GALNT8: variants seen among roughly 807,000 people sequenced by gnomAD.
GALNT8 encodes the protein probable polypeptide N-acetylgalactosaminyltransferase 8.
GALNT8 carries 66 observed loss-of-function variants against 62.7 expected under a neutral mutation model. The observed-to-expected ratio is 1.05, with a 90% confidence interval of 0.86 to 1.29. The LOEUF (loss-of-function observed/expected upper bound fraction) is 1.29, where lower values mean the gene tolerates loss of function less well. Among genes scored for constraint, GALNT8 ranks in the 50% most tolerant of loss-of-function variants. GALNT8 has a pLI of 0.00. For missense variants in GALNT8, 771 were observed against 791.8 expected, an observed-to-expected ratio of 0.97 and a Z score of 0.32; for synonymous variants, 288 against 294.3, an observed-to-expected ratio of 0.98 and a Z score of 0.22.
At chr12:4,743,698 G>A (rs139197246) in intron 3 of GALNT8, among the ~76,000 whole-genome samples, 1 of 152,312 alleles carries the variant, frequency 6.6e-6, no homozygotes, top group East Asian at 1.9e-4. Flanking sequence ...AAAACTCTTT[G>A]TGCCTCAGTT....
At chr12:4,757,041 T>C (rs1279258192) in intron 6 of GALNT8, among the ~76,000 whole-genome samples, 1 of 152,202 alleles carries the variant, frequency 6.6e-6, no homozygotes, top group Non-Finnish European at 1.5e-5. Flanking sequence ...TTATAAGTGT[T>C]TGGTAGTTCC....
chr12:4,744,657 G>A lies in GALNT8; in HGVS notation c.817G>A (p.Val273Met), dbSNP rs771845589. ...TGGCTGGGAAGCTGCCACAGCAGAC[G>A]TGGTCGCCATCTTGGATGCTCACAT... ...NTGWEAATAD[V>M]VAILDAHIEV... The change falls in exon 4 of 11, where the codon GTG becomes ATG. Residue 273 changes from valine to methionine, a missense_variant. By Grantham distance (21) the Val-to-Met change is conservative (BLOSUM62 1). Coordinates refer to ENST00000252318, the MANE Select transcript of GALNT8 (RefSeq NM_017417.2). 3.9e-5 allele frequency: 63 copies of A among 1,613,404 alleles called. 1 individual carries two copies. In the Admixed American group the frequency reaches 6.3e-4, roughly 16 times the overall value.
chr12:4,769,921 G>T (rs1946415500), intron 10 of GALNT8, among the ~76,000 whole-genome samples: 1 of 152,006 alleles, frequency 6.6e-6, no homozygotes, highest in South Asian at 2.1e-4. Flanking sequence ...AGTTAAAAAA[G>T]AAGCATCTAT....
At position 4,744,600 on chromosome 12, in the gene GALNT8, G is replaced by A. The variant is rs150401504; in HGVS notation, c.760G>A (p.Glu254Lys). The A allele has an allele frequency of 6.2e-7, 1 of 1,613,520 alleles. No individual in the cohort carries two copies. The highest frequency in any genetic ancestry group is 2.2e-5 in the East Asian group (1 of 44,860). Reference sequence around the variant, plus strand: ...ACTACTGAAAATAATACGGCATCCTGAAAGGAAAGGTCTTGCTCAAGCCCG... The same window carrying A: ...ACTACTGAAAATAATACGGCATCCTAAAAGGAAAGGTCTTGCTCAAGCCCG... Reference protein sequence around the residue: ...PGLLKIIRHPERKGLAQARNT... With the variant: ...PGLLKIIRHPKRKGLAQARNT... The change falls in exon 4 of 11, where the codon GAA becomes AAA. Residue 254 changes from glutamate to lysine, a missense_variant. Transcript: ENST00000252318.
At chr12:4,750,556 G>A (rs1241895713) in intron 6 of GALNT8, among the ~76,000 whole-genome samples, 1 of 152,136 alleles carries the variant, frequency 6.6e-6, no homozygotes, top group Non-Finnish European at 1.5e-5. Context: ...ATTCCTTGGT[G>A]TGTATGTACT....
chr12:4,732,070 A>G (rs1182306972), intron 2 of GALNT8, among the ~76,000 whole-genome samples: 1 of 123,292 alleles, frequency 8.1e-6, no homozygotes, highest in African/African-American at 3.0e-5. Flanking sequence ...AATGTAATAT[A>G]TATTCTCACA....
chr12:4,752,343 C>A (rs765010801), intron 6 of GALNT8, among the ~76,000 whole-genome samples: 1 of 151,560 alleles, frequency 6.6e-6, no homozygotes, highest in African/African-American at 2.4e-5. Context: ...TCTTCTCTTT[C>A]CTGTCTTCCT....
intron 1 of GALNT8, among the ~76,000 whole-genome samples, chr12:4,723,161 C>A (rs1191247567): frequency 6.6e-6 from 1 of 152,114 alleles, no homozygotes; most frequent in Non-Finnish European, 1.5e-5. Context: ...ATTCACTACT[C>A]ATTTCTATTC....
intron 6 of GALNT8, among the ~76,000 whole-genome samples, chr12:4,760,198 T>C (rs970362457): frequency 2.0e-5 from 3 of 152,190 alleles, no homozygotes; most frequent in African/African-American, 7.2e-5. Flanking sequence ...TGGGGAAAGA[T>C]CTGCTTTCAA....
Position 4,742,901 on chromosome 12 carries a change from T to G in GALNT8, c.677-1616T>G, listed in dbSNP as rs951279727. ...TTCAGAAAACCCGTCGAGGCGTCCT[T>G]AATCTTTGTGCTATATGATAGGCAT... On this transcript the variant is annotated intron_variant, in intron 3 of 10. Transcript: ENST00000252318. 3.3e-5 allele frequency among the ~76,000 whole-genome samples: 5 copies of G among 152,148 alleles called. No homozygotes were observed. The South Asian group carries it at 8.3e-4, about 25-fold the overall frequency.
intron 10 of GALNT8, among the ~76,000 whole-genome samples, chr12:4,769,030 A>T (rs996809906): frequency 5.9e-5 from 9 of 152,198 alleles, no homozygotes; most frequent in African/African-American, 1.9e-4. Context: ...GTGGGGACCC[A>T]GTTCAAGAAG....
chr12:4,745,265 T>C (rs746968738), intron 4 of GALNT8, among the ~76,000 whole-genome samples, 164 bp from the exon 5 acceptor site: 2 of 152,156 alleles, frequency 1.3e-5, no homozygotes, highest in African/African-American at 2.4e-5. Context: ...CCCGAAAGGT[T>C]ACAGAGATTC....
At chr12:4,769,439 C>G (rs149115490) in intron 10 of GALNT8, among the ~76,000 whole-genome samples, 6 of 152,208 alleles carry the variant, frequency 3.9e-5, no homozygotes, top group Non-Finnish European at 7.4e-5. Context: ...AGAACATAGG[C>G]CAGGATTAAT....
At chr12:4,738,890 C>T (rs565053724) in intron 2 of GALNT8, among the ~76,000 whole-genome samples, 29 of 151,990 alleles carry the variant, frequency 1.9e-4, no homozygotes, top group African/African-American at 2.9e-4. Context: ...AGAAGAGGAA[C>T]GGGAATTCCT....
intron 5 of GALNT8, 60 bp from the exon 6 acceptor site, chr12:4,746,084 C>G: frequency 1.1e-6 from 1 of 941,070 alleles, no homozygotes; most frequent in Non-Finnish European, 1.7e-6. Context: ...CATTGAGCAT[C>G]CCACCCCTCG....
chr12:4,768,745 AATCCTTTTCCATCC>A (rs1353252906), intron 10 of GALNT8, among the ~76,000 whole-genome samples: 1 of 152,220 alleles, frequency 6.6e-6, no homozygotes. Flanking sequence ...CACTCCATCT[AATCCTTTTCCATCC>A]ATCTTACCTC....
At chr12:4,729,192 G>A (rs1039434659) in intron 2 of GALNT8, among the ~76,000 whole-genome samples, 1 of 151,962 alleles carries the variant, frequency 6.6e-6, no homozygotes, top group Non-Finnish European at 1.5e-5. Context: ...TGTACAATAT[G>A]ATGTTTTGAA....
intron 6 of GALNT8, among the ~76,000 whole-genome samples, chr12:4,759,148 G>A (rs896440432): frequency 6.6e-6 from 1 of 152,082 alleles, no homozygotes; most frequent in Non-Finnish European, 1.5e-5. Flanking sequence ...CTGAATTCAC[G>A]TGAGTTGAAA....
chr12:4,772,688 G>A lies in GALNT8; in HGVS notation c.*91G>A, dbSNP rs971479822. ...TCCCAGCTTCTTTCTCAATGAGAAAGAAAGCATGTGTATGTCTGTTTATGG... is the reference window on the plus strand; with the variant it reads ...TCCCAGCTTCTTTCTCAATGAGAAAAAAAGCATGTGTATGTCTGTTTATGG... On this transcript the variant is annotated 3_prime_UTR_variant, in exon 11 of 11. Coordinates refer to ENST00000252318, the MANE Select transcript of GALNT8 (RefSeq NM_017417.2). The A allele has an allele frequency of 9.7e-7, 1 of 1,033,012 alleles. No homozygotes were observed. Among genetic ancestry groups the A allele is most frequent in the African/African-American group, 1.6e-5 (1 of 63,906 alleles). The allele number at this position is 1,033,012 out of a possible 1,614,324, so 64.0% of individuals were successfully genotyped here.
Sources: allele counts gnomAD v4.1 joint callset (sites outside exome capture counted in the v4.1 genomes callset), GRCh38; gene constraint gnomAD v4.1.1; transcripts MANE v1.5; gene names NCBI Gene and HGNC (gene_info 2026-07-23, HGNC 2026-07-21).